KLRG2: variants seen among roughly 807,000 people sequenced by gnomAD.
KLRG2 encodes killer cell lectin like receptor G2, also known as killer cell lectin-like receptor subfamily G member 2.
In KLRG2, 39 loss-of-function variants were observed where a neutral mutation model predicts 35.4. That is an observed-to-expected ratio of 1.10 (90% CI 0.85 to 1.44). The LOEUF (loss-of-function observed/expected upper bound fraction) is 1.44. Among genes scored for constraint, KLRG2 ranks in the 40% most tolerant of loss-of-function variants. The pLI is 0.00. For synonymous variants in KLRG2, 283 were observed against 265.8 expected (o/e 1.06, Z -0.63); for missense variants, 632 against 570.9 (o/e 1.11, Z -1.09).
chr7:139,433,231 C>T, the KLRG2 span, among the ~76,000 whole-genome samples: 5 of 152,166 alleles, frequency 3.3e-5, no homozygotes, highest in African/African-American at 4.8e-5. Flanking sequence ...TTCCAGGCCC[C>T]GGGATCACTC....
At chr7:139,453,804 C>T (rs1257296155) in intron 4 of KLRG2, 97 bp from the exon 5 acceptor site, 26 of 1,449,946 alleles carry the variant, frequency 1.8e-5, no homozygotes, top group Non-Finnish European at 5.7e-6. Flanking sequence ...GTCACCTCTA[C>T]CGGCCTGGGC....
chr7:139,465,670 C>T (rs1004655102), intron 3 of KLRG2, among the ~76,000 whole-genome samples: 9 of 135,504 alleles, frequency 6.6e-5, no homozygotes, highest in Admixed American at 1.6e-4. Flanking sequence ...CCAGCCTGGG[C>T]GAGAGTGTGA....
At chr7:139,457,017 C>T (rs1388514811) in intron 3 of KLRG2, among the ~76,000 whole-genome samples, 1 of 152,190 alleles carries the variant, frequency 6.6e-6, no homozygotes. Flanking sequence ...CCATCTTCTG[C>T]CCCTCAAGGT....
intron 3 of KLRG2, among the ~76,000 whole-genome samples, chr7:139,460,743 G>T (rs1370152067): frequency 2.6e-5 from 4 of 152,066 alleles, no homozygotes; most frequent in Non-Finnish European, 5.9e-5. Flanking sequence ...CAGATCACTT[G>T]ATGTCACGAG....
intron 3 of KLRG2, among the ~76,000 whole-genome samples, chr7:139,463,412 G>A (rs1007544939): frequency 9.2e-5 from 14 of 152,122 alleles, no homozygotes; most frequent in African/African-American, 2.9e-4. Flanking sequence ...AGACAGCAAC[G>A]CATTTCTGAG....
At chr7:139,472,471 G>A (rs979894192) in intron 3 of KLRG2, among the ~76,000 whole-genome samples, 23 of 151,914 alleles carry the variant, frequency 1.5e-4, no homozygotes, top group African/African-American at 5.3e-4. Flanking sequence ...GAAGCTGAGT[G>A]CGGTGGCTCA....
chr7:139,473,373 C>T (rs570719648), intron 3 of KLRG2, among the ~76,000 whole-genome samples: 5 of 152,164 alleles, frequency 3.3e-5, no homozygotes, highest in African/African-American at 9.6e-5. Flanking sequence ...CCCTCCTATC[C>T]GCGCAATGAT....
At chr7:139,467,143 G>C (rs528585518) in intron 3 of KLRG2, among the ~76,000 whole-genome samples, 1 of 152,034 alleles carries the variant, frequency 6.6e-6, no homozygotes, top group Non-Finnish European at 1.5e-5. Context: ...TCCCACTCTA[G>C]GTTCCCATGT....
chr7:139,460,999 C>T (rs74721460), intron 3 of KLRG2, among the ~76,000 whole-genome samples: 9,260 of 151,648 alleles, frequency 0.061, 810 homozygotes, highest in African/African-American at 0.2. Context: ...AGGGGGCTCA[C>T]GCCTTTAATC....
At chr7:139,438,283 G>A in the KLRG2 span, among the ~76,000 whole-genome samples, 44 of 152,352 alleles carry the variant, frequency 2.9e-4, no homozygotes, top group African/African-American at 1.0e-3. Flanking sequence ...CCAGACTAGA[G>A]TGCAGTGGTG....
At chr7:139,436,103 A>G in the KLRG2 span, among the ~76,000 whole-genome samples, 4 of 152,014 alleles carry the variant, frequency 2.6e-5, no homozygotes, top group Non-Finnish European at 4.4e-5. Context: ...GGGTTTCACC[A>G]TGTTGGCCAG....
chr7:139,476,595 A>G (rs577594590), intron 3 of KLRG2, among the ~76,000 whole-genome samples: 10 of 152,052 alleles, frequency 6.6e-5, no homozygotes, highest in Non-Finnish European at 1.3e-4. Context: ...GCATGCCACC[A>G]TGCCTGGCTA....
At chr7:139,461,893 T>C (rs1043615474) in intron 3 of KLRG2, among the ~76,000 whole-genome samples, 2 of 152,186 alleles carry the variant, frequency 1.3e-5, no homozygotes, top group African/African-American at 2.4e-5. Flanking sequence ...TCAGGGATCC[T>C]TGGGAGATCA....
At chr7:139,443,954 C>T in the KLRG2 span, among the ~76,000 whole-genome samples, 17 of 152,204 alleles carry the variant, frequency 1.1e-4, no homozygotes, top group African/African-American at 3.4e-4. Context: ...GCCGACAGTA[C>T]AGCCTTCAGT....
At chr7:139,441,361 T>C in the KLRG2 span, among the ~76,000 whole-genome samples, 2 of 152,116 alleles carry the variant, frequency 1.3e-5, no homozygotes, top group South Asian at 4.1e-4. Context: ...TCTCAGCAAC[T>C]GTCACAAGGA....
At chr7:139,449,036 G>A (rs187163114), downstream of KLRG2, among the ~76,000 whole-genome samples, 1 of 151,858 alleles carries the variant, frequency 6.6e-6, no homozygotes, top group Non-Finnish European at 1.5e-5. Context: ...AACCTGGGAG[G>A]TGGAGGTTGC....
chr7:139,439,725 A>G, the KLRG2 span, among the ~76,000 whole-genome samples: 2 of 152,168 alleles, frequency 1.3e-5, no homozygotes, highest in Admixed American at 1.3e-4. Context: ...GCCTCAGCAC[A>G]GGAGGGGATG....
At chr7:139,440,411 CTTTT>C in the KLRG2 span, among the ~76,000 whole-genome samples, 6 of 40,512 alleles carry the variant, frequency 1.5e-4, no homozygotes, top group Non-Finnish European at 1.7e-4. Context: ...CCACACCTGG[CTTTT>C]TTTTTTTTTT....
intron 3 of KLRG2, among the ~76,000 whole-genome samples, chr7:139,476,612 G>A (rs985950985): frequency 6.6e-6 from 1 of 152,048 alleles, no homozygotes; most frequent in African/African-American, 2.4e-5. Flanking sequence ...GCTAATTTTT[G>A]TATTTTTAGT....
Sources: gnomAD v4.1 joint callset for allele counts (sites outside exome capture counted in the v4.1 genomes callset) on GRCh38, gnomAD v4.1.1 for gene constraint, MANE v1.5 for transcripts, NCBI Gene and HGNC (gene_info 2026-07-23, HGNC 2026-07-21) for gene names.